UNC13C: variants seen among roughly 807,000 people sequenced by gnomAD.
UNC13C encodes the protein unc-13 homolog C.
UNC13C carries 174 observed loss-of-function variants against 245.4 expected under a neutral mutation model. The observed-to-expected ratio is 0.71, with a 90% CI of 0.63 to 0.80. The LOEUF is 0.80. Ranked by LOEUF, UNC13C falls within the 30% of genes least tolerant of loss-of-function variation. UNC13C has a pLI of 0.00. For synonymous variants in UNC13C, 992 were observed against 895.1 expected (o/e 1.11, Z -1.93); for missense variants, 2,829 against 2,602.9 (o/e 1.09, Z -1.89).
the UNC13C span, among the ~76,000 whole-genome samples, chr15:53,923,430 A>T: frequency 6.6e-6 from 1 of 152,224 alleles, no homozygotes; most frequent in African/African-American, 2.4e-5. Context: ...AGATTCTTCC[A>T]TGATAGAAGG....
At chr15:54,462,853 C>T (rs1468001142) in intron 19 of UNC13C, among the ~76,000 whole-genome samples, 1 of 152,144 alleles carries the variant, frequency 6.6e-6, no homozygotes, top group Non-Finnish European at 1.5e-5. Context: ...TGGTGCTGGA[C>T]TGGCAGGCAG....
intron 4 of UNC13C, among the ~76,000 whole-genome samples, chr15:54,234,434 T>C (rs915681786): frequency 6.6e-6 from 1 of 152,180 alleles, no homozygotes; most frequent in African/African-American, 2.4e-5. Context: ...CTTTTATTGC[T>C]ATTATTTAAA....
At chr15:54,258,193 T>A (rs990342495) in intron 8 of UNC13C, among the ~76,000 whole-genome samples, 3 of 152,106 alleles carry the variant, frequency 2.0e-5, no homozygotes, top group Non-Finnish European at 4.4e-5. Flanking sequence ...TTTCTCTAGT[T>A]TTTTTAAGCT....
At chr15:54,629,442 T>TAAA (rs959755695), downstream of UNC13C, 1 of 151,948 alleles carries the variant, frequency 6.6e-6, no homozygotes, top group East Asian at 1.9e-4. Context: ...TAAAAGTTTT[T>TAAA]AAAAAAAAGT....
At chr15:54,147,250 T>C (rs2032303082) in intron 4 of UNC13C, among the ~76,000 whole-genome samples, 2 of 150,796 alleles carry the variant, frequency 1.3e-5, no homozygotes, top group South Asian at 4.2e-4. Context: ...GATGGAGTCT[T>C]GCTCTGTTGC....
intron 30 of UNC13C, among the ~76,000 whole-genome samples, chr15:54,607,813 G>C (rs1430670599): frequency 6.6e-6 from 1 of 152,102 alleles, no homozygotes; most frequent in Non-Finnish European, 1.5e-5. Flanking sequence ...ACTGTCACAA[G>C]AAAGGCAAGG....
chr15:54,510,501 C>A (rs979646230), intron 23 of UNC13C, among the ~76,000 whole-genome samples: 2 of 142,598 alleles, frequency 1.4e-5, no homozygotes, highest in Admixed American at 6.7e-5. Context: ...AAAACAGAAT[C>A]TTTGGGGGAT....
At position 54,627,088 on chromosome 15, in the gene UNC13C, C is replaced by G. The variant is rs1229400946; in HGVS notation, c.6620C>G (p.Thr2207Arg). ...GAATTTGTAAGACTTAAATCTGAAA[C>G]AAGATCTACTGAAGAGAGTGCTTGA... ...AKEFVRLKSE[T>R]RSTEESA The change falls in exon 33 of 33, where the codon ACA (threonine) becomes AGA (arginine). Residue 2207 changes from threonine to arginine, a missense_variant. Coordinates refer to ENST00000260323, the MANE Select transcript of UNC13C (RefSeq NM_001080534.3). 1 of 1,612,180 alleles carries G rather than the reference C, an allele frequency of 6.2e-7. No homozygotes were observed. Among genetic ancestry groups the G allele is most frequent in the East Asian group, 2.2e-5 (1 of 44,818 alleles).
chr15:53,874,309 C>T, the UNC13C span, among the ~76,000 whole-genome samples: 1 of 152,102 alleles, frequency 6.6e-6, no homozygotes, highest in East Asian at 1.9e-4. Context: ...CAACCCAATG[C>T]AATGTGCATA....
At chr15:54,422,958 TACACACACACACAC>T (rs35647420) in intron 19 of UNC13C, among the ~76,000 whole-genome samples, 1 of 145,924 alleles carries the variant, frequency 6.9e-6, no homozygotes, top group African/African-American at 2.5e-5. Flanking sequence ...AGCAATATAG[TACACACACACACAC>T]ACACACACAC....
intron 17 of UNC13C, among the ~76,000 whole-genome samples, chr15:54,351,254 C>T (rs985655397): frequency 6.6e-6 from 1 of 152,020 alleles, no homozygotes; most frequent in African/African-American, 2.4e-5. Flanking sequence ...CAGTGAAGTG[C>T]GCAGGAATCT....
chr15:54,350,237 G>C (rs2038952359), intron 17 of UNC13C, among the ~76,000 whole-genome samples: 1 of 152,166 alleles, frequency 6.6e-6, no homozygotes, highest in South Asian at 2.1e-4. Context: ...TGATCCGCCT[G>C]CCTCGGCCTC....
intron 4 of UNC13C, among the ~76,000 whole-genome samples, chr15:54,167,602 GAAAAAAAA>G (rs35210236): frequency 1.5e-3 from 96 of 63,574 alleles, no homozygotes; most frequent in Middle Eastern, 0.03. Flanking sequence ...ATCCAAATAG[GAAAAAAAA>G]AAAAAAAAAA....
intron 4 of UNC13C, among the ~76,000 whole-genome samples, chr15:54,227,200 G>A (rs933848841): frequency 2.0e-5 from 3 of 152,268 alleles, no homozygotes; most frequent in East Asian, 1.9e-4. Flanking sequence ...GTCTGGCTGA[G>A]TTCAGGTTTT....
intron 10 of UNC13C, among the ~76,000 whole-genome samples, chr15:54,273,253 G>A (rs2036735140): frequency 6.6e-6 from 1 of 152,144 alleles, no homozygotes; most frequent in Admixed American, 6.5e-5. Context: ...AAATGATTAT[G>A]CTTGTTTATT....
intron 30 of UNC13C, among the ~76,000 whole-genome samples, chr15:54,573,047 T>C (rs770433600): frequency 1.2e-4 from 19 of 152,200 alleles, no homozygotes; most frequent in Non-Finnish European, 2.4e-4. Context: ...TTTTTCACTA[T>C]TTTCAGGCTT....
chr15:53,942,703 A>T, the UNC13C span, among the ~76,000 whole-genome samples: 2 of 152,140 alleles, frequency 1.3e-5, no homozygotes, highest in Admixed American at 1.3e-4. Flanking sequence ...TCACTCTGTC[A>T]CCCAGGCTGG....
At chr15:54,075,675 T>C (rs1898575822) in intron 2 of UNC13C, among the ~76,000 whole-genome samples, 1 of 151,960 alleles carries the variant, frequency 6.6e-6, no homozygotes, top group African/African-American at 2.4e-5. Context: ...TTGTTAATAC[T>C]ATTAGCAGTA....
intron 4 of UNC13C, among the ~76,000 whole-genome samples, chr15:54,177,842 A>C (rs1432612810): frequency 6.6e-6 from 1 of 152,066 alleles, no homozygotes; most frequent in East Asian, 1.9e-4. Flanking sequence ...CAATAACATG[A>C]TTTTCTATAA....
Sources: gnomAD v4.1 joint callset for allele counts (sites outside exome capture counted in the v4.1 genomes callset) on GRCh38, gnomAD v4.1.1 for gene constraint, MANE v1.5 for transcripts, NCBI Gene and HGNC (gene_info 2026-07-23, HGNC 2026-07-21) for gene names.